GPHN: variants seen among roughly 807,000 people sequenced by gnomAD.
GPHN encodes the protein gephyrin.
In GPHN, 17 loss-of-function variants were observed where a neutral mutation model predicts 95.5. That is an observed-to-expected ratio of 0.18 (90% CI 0.12 to 0.27). The LOEUF (loss-of-function observed/expected upper bound fraction) is 0.27. Ranked by LOEUF, GPHN falls within the 10% of genes least tolerant of loss-of-function variation. The pLI is 1.00. For missense variants in GPHN, 660 were observed against 978.1 expected (o/e 0.67, Z 4.34); for synonymous variants, 320 against 322.5 (o/e 0.99, Z 0.08).
chr14:67,204,768 A>C, the GPHN span: 1 of 1,614,032 alleles, frequency 6.2e-7, no homozygotes, highest in South Asian at 1.1e-5. Flanking sequence ...CGAATAGCAC[A>C]GACATCACAG....
intron 9 of GPHN, among the ~76,000 whole-genome samples, chr14:67,002,557 A>G (rs763869585): frequency 1.3e-5 from 2 of 151,280 alleles, no homozygotes; most frequent in Non-Finnish European, 3.0e-5. Context: ...TCAATTTAAC[A>G]TACTGTTTAA....
At chr14:67,179,043 C>G (rs1442472481) in intron 21 of GPHN, among the ~76,000 whole-genome samples, 1 of 152,168 alleles carries the variant, frequency 6.6e-6, no homozygotes, top group African/African-American at 2.4e-5. Context: ...TCTTAGCCTT[C>G]TTTTCTCTTT....
the GPHN span, among the ~76,000 whole-genome samples, chr14:67,401,933 G>T: frequency 6.6e-6 from 1 of 152,220 alleles, no homozygotes; most frequent in East Asian, 1.9e-4. Flanking sequence ...GAGTTCGAGA[G>T]CAGTCTGGCC....
the GPHN span, among the ~76,000 whole-genome samples, chr14:67,359,364 GGGTATGTGGAAT>G: frequency 1.3e-5 from 2 of 152,212 alleles, no homozygotes; most frequent in Non-Finnish European, 2.9e-5. Flanking sequence ...GGCTCAATAA[GGGTATGTGGAAT>G]GGATGAATCC....
At chr14:67,689,228 C>A in the GPHN span, among the ~76,000 whole-genome samples, 1 of 152,328 alleles carries the variant, frequency 6.6e-6, no homozygotes, top group South Asian at 2.1e-4. Context: ...AGTTTCCTTC[C>A]CATCTCACAG....
the GPHN span, chr14:67,691,192 C>T: frequency 1.2e-6 from 2 of 1,614,028 alleles, no homozygotes; most frequent in Admixed American, 1.7e-5. Flanking sequence ...TCTTCGAGTA[C>T]GGACACATCA....
intron 8 of GPHN, among the ~76,000 whole-genome samples, chr14:66,943,434 G>A (rs949436442): frequency 2.0e-5 from 3 of 152,146 alleles, no homozygotes; most frequent in Admixed American, 6.5e-5. Context: ...AGTACTACAT[G>A]TCCCTAGCCT....
intron 9 of GPHN, among the ~76,000 whole-genome samples, chr14:66,976,846 T>TA (rs2070262929): frequency 8.0e-6 from 1 of 125,702 alleles, no homozygotes; most frequent in Admixed American, 9.0e-5. Flanking sequence ...TAGGAAAAAG[T>TA]AAAAAAAGGA....
At chr14:67,493,950 GT>G in the GPHN span, among the ~76,000 whole-genome samples, 1 of 151,944 alleles carries the variant, frequency 6.6e-6, no homozygotes, top group Non-Finnish European at 1.5e-5. Context: ...ATCTGTGACA[GT>G]TGCTGTCTGC....
intron 12 of GPHN, among the ~76,000 whole-genome samples, chr14:67,090,294 A>C (rs577640612): frequency 6.6e-6 from 1 of 152,036 alleles, no homozygotes; most frequent in Non-Finnish European, 1.5e-5. Flanking sequence ...GGCATCCCTA[A>C]TTCAAAAATC....
chr14:67,149,204 C>T (rs1015037274), intron 18 of GPHN, among the ~76,000 whole-genome samples: 5 of 151,468 alleles, frequency 3.3e-5, no homozygotes, highest in Non-Finnish European at 7.4e-5. Context: ...ATTAGCTGGG[C>T]GTGGTGGCGG....
At chr14:67,682,456 G>C in the GPHN span, among the ~76,000 whole-genome samples, 1 of 152,142 alleles carries the variant, frequency 6.6e-6, no homozygotes, top group Non-Finnish European at 1.5e-5. Flanking sequence ...GGACTTGATA[G>C]ACATTTCCCC....
the GPHN span, among the ~76,000 whole-genome samples, chr14:67,556,416 G>A: frequency 1.3e-5 from 2 of 152,246 alleles, no homozygotes; most frequent in South Asian, 2.1e-4. Flanking sequence ...GATTACAGGC[G>A]TGAGCCACTG....
the GPHN span, chr14:67,312,134 G>C: frequency 6.5e-6 from 1 of 153,426 alleles, no homozygotes; most frequent in Non-Finnish European, 1.5e-5. Flanking sequence ...GAGGCACCTT[G>C]TACCTCAGCT....
chr14:67,150,423 A>G (rs905831649), intron 18 of GPHN, among the ~76,000 whole-genome samples: 1 of 138,350 alleles, frequency 7.2e-6, no homozygotes, highest in South Asian at 2.6e-4. Flanking sequence ...CCTGGGCGAC[A>G]GAGCGAGACT....
At chr14:67,160,559 G>A (rs917237946) in intron 19 of GPHN, among the ~76,000 whole-genome samples, 13 of 152,270 alleles carry the variant, frequency 8.5e-5, no homozygotes, top group Non-Finnish European at 1.3e-4. Flanking sequence ...ATATCTTTAA[G>A]AAATAGTCTA....
At chr14:66,796,330 T>TC (rs1027105521) in intron 3 of GPHN, among the ~76,000 whole-genome samples, 1 of 152,004 alleles carries the variant, frequency 6.6e-6, no homozygotes, top group Non-Finnish European at 1.5e-5. Context: ...CTTTTTTTTT[T>TC]CAGTATATAC....
At chr14:66,537,516 T>A (rs1300364025) in intron 1 of GPHN, among the ~76,000 whole-genome samples, 2 of 152,202 alleles carry the variant, frequency 1.3e-5, no homozygotes, top group Non-Finnish European at 2.9e-5. Context: ...TAACTTTGTT[T>A]ATTCCCTCCT....
chr14:67,513,958 C>T, the GPHN span, among the ~76,000 whole-genome samples: 1 of 152,162 alleles, frequency 6.6e-6, no homozygotes, highest in East Asian at 1.9e-4. Context: ...GTACCACCCC[C>T]AAGGCAGGTT....
Sources: allele counts gnomAD v4.1 joint callset (sites outside exome capture counted in the v4.1 genomes callset), GRCh38; gene constraint gnomAD v4.1.1; transcripts MANE v1.5; gene names NCBI Gene and HGNC (gene_info 2026-07-23, HGNC 2026-07-21).